MYO1D: variants seen among roughly 807,000 people sequenced by gnomAD.
The protein encoded by MYO1D is unconventional myosin-Id.
In MYO1D, 83 loss-of-function variants were observed where a neutral mutation model predicts 122.0. The ratio of observed to expected loss-of-function variants is 0.68; its 90% confidence interval spans 0.57 to 0.82. MYO1D has a LOEUF of 0.82. MYO1D is among the 40% of genes least tolerant of loss of function. MYO1D has a pLI of 0.00. For missense variants in MYO1D, 1,157 were observed against 1,269.5 expected, an observed-to-expected ratio of 0.91 and a Z score of 1.35; for synonymous variants, 464 against 446.9, an observed-to-expected ratio of 1.04 and a Z score of -0.48.
At chr17:32,560,263 A>G (rs1350061731) in intron 21 of MYO1D, among the ~76,000 whole-genome samples, 1 of 152,078 alleles carries the variant, frequency 6.6e-6, no homozygotes, top group Non-Finnish European at 1.5e-5. Context: ...TCAAAAAAAA[A>G]GGAAAAAGTG....
At chr17:32,793,259 T>C (rs1041092040) in intron 1 of MYO1D, among the ~76,000 whole-genome samples, 35 of 151,416 alleles carry the variant, frequency 2.3e-4, no homozygotes, top group African/African-American at 8.3e-4. Flanking sequence ...CTTATATAAA[T>C]AGACAATGCT....
At chr17:32,812,766 G>A (rs1025342106) in intron 1 of MYO1D, among the ~76,000 whole-genome samples, 1 of 152,186 alleles carries the variant, frequency 6.6e-6, no homozygotes, top group African/African-American at 2.4e-5. Context: ...ACAGCAGCAT[G>A]TTATAACACA....
intron 10 of MYO1D, among the ~76,000 whole-genome samples, chr17:32,758,605 A>G (rs946905564): frequency 6.6e-6 from 1 of 152,164 alleles, no homozygotes; most frequent in Non-Finnish European, 1.5e-5. Context: ...TACAGATGGC[A>G]TAAGACTGGC....
chr17:32,719,872 G>A (rs1267415597), intron 15 of MYO1D, among the ~76,000 whole-genome samples: 1 of 152,112 alleles, frequency 6.6e-6, no homozygotes, highest in Admixed American at 6.6e-5. Context: ...TCCTGTCAGT[G>A]TCCTCCAACC....
intron 12 of MYO1D, among the ~76,000 whole-genome samples, chr17:32,746,663 G>A (rs1183148428): frequency 1.3e-5 from 2 of 152,028 alleles, no homozygotes; most frequent in Non-Finnish European, 2.9e-5. Flanking sequence ...GCTCTTTGTG[G>A]GAAGAGACCA....
At chr17:32,635,436 C>T (rs755937742) in intron 20 of MYO1D, among the ~76,000 whole-genome samples, 2 of 152,142 alleles carry the variant, frequency 1.3e-5, no homozygotes, top group Non-Finnish European at 2.9e-5. Flanking sequence ...CGTGGTGGCT[C>T]ATGCCTGTAA....
chr17:32,519,912 A>C (rs1910065394), intron 21 of MYO1D, among the ~76,000 whole-genome samples: 1 of 147,860 alleles, frequency 6.8e-6, no homozygotes, highest in Non-Finnish European at 1.5e-5. Flanking sequence ...AAAAAAAAAA[A>C]CCAGGGCGAT....
intron 21 of MYO1D, among the ~76,000 whole-genome samples, chr17:32,551,709 C>T (rs113967568): frequency 6.6e-5 from 10 of 152,088 alleles, no homozygotes; most frequent in Admixed American, 5.2e-4. Flanking sequence ...AATCAGCACG[C>T]GGTTCCATTT....
At chr17:32,496,523 C>T (rs1909117874) in intron 21 of MYO1D, among the ~76,000 whole-genome samples, 1 of 152,238 alleles carries the variant, frequency 6.6e-6, no homozygotes, top group Admixed American at 6.5e-5. Context: ...CTCTTGTGGG[C>T]ACCAGGGCCG....
At chr17:32,621,412 A>C (rs1262823057) in intron 20 of MYO1D, among the ~76,000 whole-genome samples, 1 of 151,896 alleles carries the variant, frequency 6.6e-6, no homozygotes, top group Admixed American at 6.6e-5. Context: ...CTAAACGACA[A>C]GCAGAAGCTG....
intron 1 of MYO1D, among the ~76,000 whole-genome samples, chr17:32,835,652 G>A (rs1412916445): frequency 6.6e-6 from 1 of 152,094 alleles, no homozygotes; most frequent in Non-Finnish European, 1.5e-5. Context: ...TGATTTGAAA[G>A]CAGACATCAA....
rs1340840401 is a variant in MYO1D, at chr17:32,731,213, AATGTTTCTTTTAT to A, written c.1746+7027_1746+7039del. Reference sequence around the variant, plus strand: ...TGAGCCACCAGCCCCCATGTGTCTTAATGTTTCTTTTATATGTTTCATTTCTTAGTCTAAGTGG... The same window carrying A: ...TGAGCCACCAGCCCCCATGTGTCTTAATGTTTCATTTCTTAGTCTAAGTGG... On this transcript the variant is annotated intron_variant, in intron 14 of 21. Coordinates refer to ENST00000318217, the MANE Select transcript of MYO1D (RefSeq NM_015194.3). Among the ~76,000 whole-genome samples the A allele has an allele frequency of 8.5e-5, 13 of 152,142 alleles. No homozygotes were observed. In the East Asian group the frequency reaches 2.5e-3, roughly 29 times the overall value.
intron 20 of MYO1D, among the ~76,000 whole-genome samples, chr17:32,616,807 G>C (rs2087775383): frequency 6.6e-6 from 1 of 152,112 alleles, no homozygotes; most frequent in Non-Finnish European, 1.5e-5. Context: ...CAACAGAATT[G>C]GGGCTGTGTG....
At chr17:32,854,321 T>C (rs1388853644) in intron 1 of MYO1D, among the ~76,000 whole-genome samples, 2 of 152,208 alleles carry the variant, frequency 1.3e-5, no homozygotes, top group Non-Finnish European at 2.9e-5. Context: ...AGTAAAAATT[T>C]ATGAAACTCT....
chr17:32,682,237 T>C (rs8081300), intron 16 of MYO1D, among the ~76,000 whole-genome samples: 3,341 of 151,062 alleles, frequency 0.022, 66 homozygotes, highest in African/African-American at 0.072. Context: ...CATTGGAGCA[T>C]TTAGTCCATT....
chr17:32,504,841 G>C (rs1764500188), intron 21 of MYO1D: 1 of 152,190 alleles, frequency 6.6e-6, no homozygotes, highest in African/African-American at 2.4e-5. Flanking sequence ...CCCTCAAAGT[G>C]CTTCCCTCCT....
chr17:32,624,583 G>A (rs573917489), intron 20 of MYO1D, among the ~76,000 whole-genome samples: 2 of 152,172 alleles, frequency 1.3e-5, no homozygotes, highest in South Asian at 2.1e-4. Flanking sequence ...TAAATAGCAG[G>A]TTAACAGTAA....
At chr17:32,574,705 T>G (rs1289584117) in intron 21 of MYO1D, among the ~76,000 whole-genome samples, 1 of 152,162 alleles carries the variant, frequency 6.6e-6, no homozygotes, top group East Asian at 1.9e-4. Flanking sequence ...CTATACAGAT[T>G]GAGAAAACAA....
intron 20 of MYO1D, among the ~76,000 whole-genome samples, chr17:32,637,520 A>C (rs1397606792): frequency 6.6e-6 from 1 of 152,082 alleles, no homozygotes; most frequent in Non-Finnish European, 1.5e-5. Context: ...TAAAAATACA[A>C]AATACCTGGG....
Sources: allele counts gnomAD v4.1 joint callset (sites outside exome capture counted in the v4.1 genomes callset), GRCh38; gene constraint gnomAD v4.1.1; transcripts MANE v1.5; gene names NCBI Gene and HGNC (gene_info 2026-07-23, HGNC 2026-07-21).